BLTP3B: variants seen among roughly 807,000 people sequenced by gnomAD.
BLTP3B encodes the protein UHRF1 (ICBP90) binding protein 1-like.
At chr12:100,055,236 T>A in the BLTP3B span, among the ~76,000 whole-genome samples, 5 of 152,214 alleles carry the variant, frequency 3.3e-5, no homozygotes, top group African/African-American at 1.2e-4. Context: ...ACTAGCTGCA[T>A]AACTTTGGGC....
the BLTP3B span, among the ~76,000 whole-genome samples, chr12:100,136,559 AATT>A: frequency 6.6e-6 from 1 of 152,122 alleles, no homozygotes; most frequent in African/African-American, 2.4e-5. Flanking sequence ...AACTCTCAAA[AATT>A]ATTTACTGAG....
the BLTP3B span, chr12:100,059,228 G>C: frequency 6.2e-7 from 1 of 1,613,982 alleles, no homozygotes; most frequent in Non-Finnish European, 8.5e-7. Flanking sequence ...TTTTAAGAGT[G>C]TTTTTATTCA....
the BLTP3B span, among the ~76,000 whole-genome samples, chr12:100,093,894 G>T: frequency 6.6e-6 from 1 of 152,100 alleles, no homozygotes; most frequent in East Asian, 1.9e-4. Flanking sequence ...CTATATTTCT[G>T]CAGATTCTAT....
At chr12:100,097,245 A>C in the BLTP3B span, 1 of 1,000,426 alleles carries the variant, frequency 1.0e-6, no homozygotes, top group Non-Finnish European at 1.4e-6. Flanking sequence ...GTAATATGCC[A>C]ATATTTCACC....
chr12:100,038,619 A>G, the BLTP3B span, among the ~76,000 whole-genome samples: 4 of 152,306 alleles, frequency 2.6e-5, no homozygotes, highest in Middle Eastern at 3.4e-3. Flanking sequence ...TACAGGCATG[A>G]GCCACAGCGC....
At chr12:100,060,209 T>A in the BLTP3B span, among the ~76,000 whole-genome samples, 1 of 152,300 alleles carries the variant, frequency 6.6e-6, no homozygotes, top group Non-Finnish European at 1.5e-5. Flanking sequence ...AACAAACACA[T>A]TTAGATAGAC....
At chr12:100,140,261 A>C in the BLTP3B span, among the ~76,000 whole-genome samples, 1 of 152,118 alleles carries the variant, frequency 6.6e-6, no homozygotes, top group Non-Finnish European at 1.5e-5. Context: ...AAAAATAAAA[A>C]TTTGATACTC....
the BLTP3B span, chr12:100,092,594 C>T: frequency 1.3e-5 from 2 of 152,162 alleles, no homozygotes; most frequent in African/African-American, 4.8e-5. Context: ...GTTTTATTAG[C>T]ATAGTGAGAT....
the BLTP3B span, chr12:100,037,722 G>A: frequency 6.2e-7 from 1 of 1,609,244 alleles, no homozygotes; most frequent in Non-Finnish European, 8.5e-7. Context: ...GCTTTAGCCA[G>A]TTCCTGTTTA....
chr12:100,096,265 AAGT>A, the BLTP3B span, among the ~76,000 whole-genome samples: 4 of 152,112 alleles, frequency 2.6e-5, no homozygotes, highest in Non-Finnish European at 4.4e-5. Context: ...AAAAAAAAAA[AAGT>A]AGTAGTATTT....
the BLTP3B span, among the ~76,000 whole-genome samples, chr12:100,074,328 A>C: frequency 6.6e-6 from 1 of 152,062 alleles, no homozygotes; most frequent in Non-Finnish European, 1.5e-5. Context: ...GCCAGGCATG[A>C]TGGCTCACAC....
At chr12:100,108,540 T>G in the BLTP3B span, 1 of 1,605,484 alleles carries the variant, frequency 6.2e-7, no homozygotes, top group South Asian at 1.1e-5. Flanking sequence ...AGATAAATTT[T>G]TGGTAAATCT....
At chr12:100,067,324 A>T in the BLTP3B span, among the ~76,000 whole-genome samples, 1 of 152,144 alleles carries the variant, frequency 6.6e-6, no homozygotes, top group Non-Finnish European at 1.5e-5. Flanking sequence ...AGCAGAAGAA[A>T]GGCAATGACC....
At chr12:100,091,705 G>A in the BLTP3B span, among the ~76,000 whole-genome samples, 14 of 151,136 alleles carry the variant, frequency 9.3e-5, no homozygotes, top group East Asian at 1.8e-3. Flanking sequence ...GGGTTTCACC[G>A]TGTTAGCCAG....
chr12:100,134,640 T>C, the BLTP3B span, among the ~76,000 whole-genome samples: 80 of 151,968 alleles, frequency 5.3e-4, no homozygotes, highest in Non-Finnish European at 9.4e-4. Flanking sequence ...AATCGAACTT[T>C]CATCCAACTT....
At chr12:100,114,317 A>G in the BLTP3B span, among the ~76,000 whole-genome samples, 1 of 152,224 alleles carries the variant, frequency 6.6e-6, no homozygotes, top group Non-Finnish European at 1.5e-5. Context: ...TGAAACAAAT[A>G]GACTACTTTG....
chr12:100,057,688 T>C, the BLTP3B span: 10 of 1,612,248 alleles, frequency 6.2e-6, no homozygotes, highest in African/African-American at 1.2e-4. Context: ...CTTTTCATAT[T>C]CTTATAAGAA....
the BLTP3B span, among the ~76,000 whole-genome samples, chr12:100,082,515 T>C: frequency 2.6e-5 from 4 of 152,254 alleles, no homozygotes; most frequent in African/African-American, 4.8e-5. Flanking sequence ...AGGGTTTCTA[T>C]AGTGTCAGCC....
the BLTP3B span, among the ~76,000 whole-genome samples, chr12:100,090,321 T>C: frequency 2.0e-5 from 3 of 152,256 alleles, no homozygotes; most frequent in Middle Eastern, 6.8e-3. Flanking sequence ...TGAAGAGAAA[T>C]AGTATAGAAC....
Sources: gnomAD v4.1 joint callset for allele counts (sites outside exome capture counted in the v4.1 genomes callset) on GRCh38, gnomAD v4.1.1 for gene constraint, MANE v1.5 for transcripts, NCBI Gene and HGNC (gene_info 2026-07-23, HGNC 2026-07-21) for gene names.